ETNK1: variants seen among roughly 807,000 people sequenced by gnomAD.
ETNK1 encodes ethanolamine kinase 1.
Under a neutral mutation model 45.1 loss-of-function variants are expected in ETNK1, and 8 were observed. That is an observed-to-expected ratio of 0.18 (90% CI 0.10 to 0.32). ETNK1 has a LOEUF of 0.32. Ranked by LOEUF, ETNK1 falls within the 10% of genes least tolerant of loss-of-function variation. The pLI is 1.00. For synonymous variants in ETNK1, 152 were observed against 151.9 expected (o/e 1.00, Z -0.01); for missense variants, 302 against 430.6 (o/e 0.70, Z 2.64).
intron 6 of ETNK1, among the ~76,000 whole-genome samples, chr12:22,680,586 T>C (rs1954204734): frequency 6.6e-6 from 1 of 152,234 alleles, no homozygotes; most frequent in Admixed American, 6.5e-5. Context: ...ACCCTGCATC[T>C]CTTGGCAGAT....
Position 22,625,177 on chromosome 12 carries a change from G to C in ETNK1, c.-254G>C, listed in dbSNP as rs1319112268. On this transcript the variant is annotated 5_prime_UTR_variant, in exon 1 of 8. Transcript: ENST00000266517. ...GCCAGCCCCGGCATGCTCTGCGGCCGCCCGCGGTCCAGCTCCGACAACAGG... is the reference window on the plus strand; with the variant it reads ...GCCAGCCCCGGCATGCTCTGCGGCCCCCCGCGGTCCAGCTCCGACAACAGG... The C allele has an allele frequency of 1.3e-6, 2 of 1,597,724 alleles. No homozygotes were observed. Among genetic ancestry groups the C allele is most frequent in the Non-Finnish European group, 8.5e-7 (1 of 1,170,902 alleles).
chr12:22,676,179 G>C (rs1296683853), intron 6 of ETNK1, among the ~76,000 whole-genome samples: 1 of 151,932 alleles, frequency 6.6e-6, no homozygotes, highest in Admixed American at 6.6e-5. Context: ...CCACTGACAG[G>C]CCCCGGTGTG....
chr12:22,665,183 C>G (rs193184691), intron 4 of ETNK1, among the ~76,000 whole-genome samples: 1 of 152,048 alleles, frequency 6.6e-6, no homozygotes, highest in Admixed American at 6.6e-5. Context: ...TTAGACATAT[C>G]GTTTTATCTC....
intron 2 of ETNK1, among the ~76,000 whole-genome samples, chr12:22,655,977 T>C (rs1953936111): frequency 6.6e-6 from 1 of 152,230 alleles, no homozygotes; most frequent in South Asian, 2.1e-4. Flanking sequence ...GTTCAAATCC[T>C]AGCTTAGCTC....
At chr12:22,653,869 G>GT (rs1953908768) in intron 2 of ETNK1, among the ~76,000 whole-genome samples, 2 of 152,146 alleles carry the variant, frequency 1.3e-5, no homozygotes, top group African/African-American at 4.8e-5. Context: ...ACAGAGCCTA[G>GT]TTTTTAAGTA....
intron 4 of ETNK1, among the ~76,000 whole-genome samples, chr12:22,666,288 T>A (rs985044867): frequency 1.3e-5 from 2 of 152,166 alleles, no homozygotes; most frequent in Admixed American, 1.3e-4. Context: ...GAATACTTAA[T>A]GATATGGTGA....
At chr12:22,636,004 CA>C (rs1392020525) in intron 1 of ETNK1, among the ~76,000 whole-genome samples, 1 of 151,596 alleles carries the variant, frequency 6.6e-6, no homozygotes, top group Non-Finnish European at 1.5e-5. Context: ...CCTGTCTCTA[CA>C]AAAAAAATGC....
chr12:22,665,925 C>T (rs1025921150), intron 4 of ETNK1, among the ~76,000 whole-genome samples: 1 of 151,882 alleles, frequency 6.6e-6, no homozygotes, highest in Non-Finnish European at 1.5e-5. Flanking sequence ...TTAACTATAA[C>T]TTGAGAGATT....
In ETNK1 at chr12:22,684,527, A is replaced by G; in HGVS notation, c.990A>G (p.Lys330=). 1.2e-6 allele frequency: 2 copies of G among 1,610,644 alleles called. No homozygotes were observed. Among genetic ancestry groups the G allele is most frequent in the Non-Finnish European group, 1.7e-6 (2 of 1,177,836 alleles). ...FWGLWALIQA[K]YSTIEFDFLG... is the part of the protein sequence containing the mutation. Reference sequence around the variant, plus strand: ...GATTGTGGGCTTTGATTCAAGCCAAATACTCCACTATTGAGTTTGATTTCC... The same window carrying G: ...GATTGTGGGCTTTGATTCAAGCCAAGTACTCCACTATTGAGTTTGATTTCC... Residue 330 remains lysine (K), a synonymous_variant, in exon 7 of 8, where the codon AAA becomes AAG. Coordinates refer to ENST00000266517, the MANE Select transcript of ETNK1 (RefSeq NM_018638.5).
chr12:22,678,234 G>A (rs1278086817), intron 6 of ETNK1, among the ~76,000 whole-genome samples: 2 of 152,124 alleles, frequency 1.3e-5, no homozygotes, highest in Non-Finnish European at 2.9e-5. Flanking sequence ...AGGAAACCCT[G>A]AATCTTACTC....
chr12:22,661,099 G>T lies in ETNK1; in HGVS notation c.594G>T (p.Gln198His), dbSNP rs756457134. ...ATATCCCAAGCTCTCAGATTCTCCAGGAAGAGATGACTTGGATGAAGGAGA... is the reference window on the plus strand; with the variant it reads ...ATATCCCAAGCTCTCAGATTCTCCATGAAGAGATGACTTGGATGAAGGAGA... The part of the protein sequence containing the change: ...LSDIPSSQIL[Q>H]EEMTWMKEIL... The change falls in exon 4 of 8, where the codon CAG becomes CAT. Residue 198 changes from glutamine to histidine, a missense_variant. Around this residue, in one of 3 missense-constraint regions of ETNK1, gnomAD observed 205 missense variants for 259.9 expected, o/e 0.79. Coordinates refer to ENST00000266517, the MANE Select transcript of ETNK1 (RefSeq NM_018638.5). The T allele has an allele frequency of 1.9e-6, 3 of 1,612,280 alleles. No homozygotes were observed. In the East Asian group the frequency reaches 6.7e-5, roughly 36 times the overall value.
rs767500028 is a variant in ETNK1 at position 22,681,130 on chromosome 12, G to A, written c.946-3353G>A. Among the ~76,000 whole-genome samples the A allele has an allele frequency of 4.8e-4, 73 of 151,942 alleles. 1 individual carries two copies. In the Middle Eastern group the frequency reaches 0.014, roughly 29 times the overall value. ...GGGGGATGCAAATGATGAATGGGCT[G>A]TTTTCTGCCTTTGTTTCTCATCCAT... On this transcript the variant is annotated intron_variant, in intron 6 of 7. Coordinates refer to ENST00000266517, the MANE Select transcript of ETNK1 (RefSeq NM_018638.5).
chr12:22,660,930 T>C (rs1953993038), intron 3 of ETNK1, 133 bp from the exon 4 acceptor site: 2 of 702,412 alleles, frequency 2.8e-6, no homozygotes, highest in Non-Finnish European at 4.6e-6. Context: ...TGAAATAGAA[T>C]AATTGGTCTG....
chr12:22,643,422 A>T (rs1403207995), intron 1 of ETNK1, among the ~76,000 whole-genome samples: 2 of 151,980 alleles, frequency 1.3e-5, no homozygotes, highest in African/African-American at 4.8e-5. Flanking sequence ...CATACACACA[A>T]ATGTGCAAAG....
At chr12:22,663,942 A>G (rs1954030921) in intron 4 of ETNK1, among the ~76,000 whole-genome samples, 1 of 151,824 alleles carries the variant, frequency 6.6e-6, no homozygotes, top group African/African-American at 2.4e-5. Flanking sequence ...AGTAATTTCT[A>G]TGTGATTACT....
At chr12:22,644,572 C>A in intron 2 of ETNK1, 1 of 245,024 alleles carries the variant, frequency 4.1e-6, no homozygotes, top group Non-Finnish European at 7.3e-6. Flanking sequence ...GATTTGAAAA[C>A]AGCATTCATA....
Position 22,684,878 on chromosome 12 carries a change from C to T in ETNK1, c.1020-4C>T. The T allele has an allele frequency of 2.5e-6, 4 of 1,597,066 alleles. No homozygotes were observed. The highest frequency in any genetic ancestry group is 3.4e-6 in the Non-Finnish European group (4 of 1,174,466). On this transcript the variant is annotated splice_region_variant and splice_polypyrimidine_tract_variant and intron_variant, in intron 7 of 7. Coordinates refer to ENST00000266517, the MANE Select transcript of ETNK1 (RefSeq NM_018638.5). ...ATTTTTTTGTTGTTCTCTTTTCTCA[C>T]TAGGTATGCAATTGTTCGTTTTAAC...
At chr12:22,680,285 G>GT (rs929952844) in intron 6 of ETNK1, among the ~76,000 whole-genome samples, 14 of 151,710 alleles carry the variant, frequency 9.2e-5, no homozygotes, top group East Asian at 1.9e-4. Flanking sequence ...TTTGCCTTCA[G>GT]TTTTTTTTGT....
At chr12:22,631,005 G>A (rs1374371404) in intron 1 of ETNK1, among the ~76,000 whole-genome samples, 2 of 151,984 alleles carry the variant, frequency 1.3e-5, no homozygotes, top group Non-Finnish European at 2.9e-5. Flanking sequence ...TTTTAAATTG[G>A]GAAATAATGA....
Sources: allele counts gnomAD v4.1 joint callset (sites outside exome capture counted in the v4.1 genomes callset), GRCh38; gene constraint gnomAD v4.1.1; regional missense constraint gnomAD v4.1.1; transcripts MANE v1.5; gene names NCBI Gene and HGNC (gene_info 2026-07-23, HGNC 2026-07-21).